MITF: variants seen among roughly 807,000 people sequenced by gnomAD.
MITF encodes microphthalmia-associated transcription factor.
A neutral mutation model predicts 60.5 loss-of-function variants in MITF; 17 were observed. The observed-to-expected ratio is 0.28, with a 90% CI of 0.19 to 0.42. The LOEUF is 0.42. MITF is among the 10% of genes least tolerant of loss of function. The pLI is 1.00. For synonymous variants in MITF, 260 were observed against 248.5 expected (o/e 1.05, Z -0.43); for missense variants, 622 against 683.5 (o/e 0.91, Z 1.00).
chr3:69,941,696 G>T (rs974073024), intron 5 of MITF, among the ~76,000 whole-genome samples: 1 of 152,124 alleles, frequency 6.6e-6, no homozygotes, highest in Admixed American at 6.6e-5. Flanking sequence ...GAAAAAGTTG[G>T]TTCAGTTTTT....
At chr3:69,873,163 A>G (rs188061617) in intron 1 of MITF, among the ~76,000 whole-genome samples, 10 of 152,324 alleles carry the variant, frequency 6.6e-5, no homozygotes, top group Admixed American at 3.3e-4. Context: ...AAGCCGAACT[A>G]TGATATCTGG....
chr3:69,963,802 GA>G (rs2066610830), intron 9 of MITF, among the ~76,000 whole-genome samples: 1 of 152,076 alleles, frequency 6.6e-6, no homozygotes, highest in Admixed American at 6.6e-5. Context: ...GAACTATCTT[GA>G]GTTTAGTAGT....
At chr3:69,842,750 A>ACTGT (rs3044613) in intron 1 of MITF, among the ~76,000 whole-genome samples, 75,357 of 151,486 alleles carry the variant, frequency 0.5, 20,342 homozygotes, top group Non-Finnish European at 0.63. Flanking sequence ...GGCAGAACTG[A>ACTGT]CTGAGATGGA....
chr3:69,959,835 G>A (rs2066496262), intron 9 of MITF, among the ~76,000 whole-genome samples: 1 of 152,134 alleles, frequency 6.6e-6, no homozygotes, highest in African/African-American at 2.4e-5. Context: ...TAATGCTAAA[G>A]CACTGTCTAG....
chr3:69,878,470 A>G (rs577814178), intron 1 of MITF, among the ~76,000 whole-genome samples: 6 of 152,320 alleles, frequency 3.9e-5, no homozygotes, highest in African/African-American at 1.4e-4. Flanking sequence ...GAATCAGAAG[A>G]AAAGACAGCA....
intron 1 of MITF, among the ~76,000 whole-genome samples, chr3:69,784,718 C>T (rs557030061): frequency 6.6e-6 from 1 of 152,250 alleles, no homozygotes; most frequent in South Asian, 2.1e-4. Context: ...GAGATTGGAA[C>T]TTTTCCAGGT....
In MITF at chr3:69,739,635, T is replaced by A; in HGVS notation, c.38T>A (p.Val13Asp). The change falls in exon 1 of 10, where the codon GTC becomes GAC. Residue 13 changes from valine to aspartate, a missense_variant. By Grantham distance (152) the Val-to-Asp change is radical. This residue lies in a region of MITF where 149 missense variants were observed against 157.8 expected (regional missense o/e 0.94). Transcript: ENST00000352241. ...SESGIVPDFE[V>D]GEEFHEEPKT... ...TCGGGGATCGTGCCGGATTTCGAAG[T>A]CGGGGAGGAGTTTCATGAAGAGCCC... 3 of 1,583,696 alleles carry A rather than the reference T, an allele frequency of 1.9e-6. No individual in the cohort carries two copies. The highest frequency in any genetic ancestry group is 2.6e-6 in the Non-Finnish European group (3 of 1,163,318).
At chr3:69,833,850 T>C (rs1367660540) in intron 1 of MITF, among the ~76,000 whole-genome samples, 1 of 152,254 alleles carries the variant, frequency 6.6e-6, no homozygotes, top group Non-Finnish European at 1.5e-5. Flanking sequence ...TTTGCCTTTT[T>C]ATTGCCTGTC....
intron 2 of MITF, among the ~76,000 whole-genome samples, chr3:69,894,664 CA>C (rs2064833465): frequency 7.0e-6 from 1 of 142,064 alleles, no homozygotes; most frequent in African/African-American, 2.7e-5. Context: ...CCAGCCTGAG[CA>C]ACAAGAGTGA....
rs1197326287 is a variant in MITF, at chr3:69,942,086, C to G, written c.762+755C>G. Among the ~76,000 whole-genome samples, 3 of 152,094 alleles carry G rather than the reference C, an allele frequency of 2.0e-5. No homozygotes were observed. In the East Asian group the frequency reaches 5.8e-4, roughly 29 times the overall value. On this transcript the variant is annotated intron_variant, in intron 5 of 9. Coordinates refer to ENST00000352241, the MANE Select transcript of MITF (RefSeq NM_001354604.2). The stretch of plus-strand genomic sequence containing the variant: ...CTTGGTAGGTCTTTGAATGCCTTCT[C>G]CAATCCTTTTCTGTTTCCTCTGAGA...
intron 1 of MITF, among the ~76,000 whole-genome samples, chr3:69,784,621 A>G (rs745863118): frequency 1.3e-5 from 2 of 151,816 alleles, no homozygotes; most frequent in African/African-American, 4.8e-5. Flanking sequence ...CCCCTCCCCC[A>G]TATTAGAGAA....
In MITF at chr3:69,822,701, G is replaced by A. The variant is rs569749798; in HGVS notation, c.105-56433G>A. Among the ~76,000 whole-genome samples, 5 of 152,278 alleles carry A rather than the reference G, an allele frequency of 3.3e-5. No individual in the cohort carries two copies. The East Asian group carries it at 7.7e-4, about 23-fold the overall frequency. ...CCCCCTTGAACTGCACTATGGAATGGTGACTAAGTTATTTCCCACATTTTG... is the reference window on the plus strand; with the variant it reads ...CCCCCTTGAACTGCACTATGGAATGATGACTAAGTTATTTCCCACATTTTG... On this transcript the variant is annotated intron_variant, in intron 1 of 9. Transcript: ENST00000352241.
intron 1 of MITF, among the ~76,000 whole-genome samples, chr3:69,874,150 G>A (rs1015843462): frequency 6.6e-6 from 1 of 152,152 alleles, no homozygotes; most frequent in Non-Finnish European, 1.5e-5. Context: ...TAGGCTTTGA[G>A]CTCTGTCAAC....
chr3:69,864,920 C>T (rs11920295), intron 1 of MITF, among the ~76,000 whole-genome samples: 1,546 of 152,272 alleles, frequency 0.01, 24 homozygotes, highest in African/African-American at 0.034. Context: ...GAAAGCCTTT[C>T]CTGACCCTTA....
chr3:69,938,466 G>A, intron 3 of MITF: 1 of 1,475,606 alleles, frequency 6.8e-7, no homozygotes, highest in Non-Finnish European at 9.0e-7. Context: ...TGAATGTCTG[G>A]AATATTATTT....
chr3:69,909,011 T>C (rs13318952), intron 2 of MITF, among the ~76,000 whole-genome samples: 3,867 of 152,258 alleles, frequency 0.025, 149 homozygotes, highest in African/African-American at 0.087. Context: ...TTAGGTTTTT[T>C]TGTTTGTTTG....
chr3:69,883,480 C>A (rs2107292827), intron 2 of MITF, among the ~76,000 whole-genome samples: 1 of 152,232 alleles, frequency 6.6e-6, no homozygotes, highest in Admixed American at 6.5e-5. Flanking sequence ...TGGTCTTTCT[C>A]TGTAAATTAT....
intron 1 of MITF, among the ~76,000 whole-genome samples, chr3:69,779,528 G>C (rs1000595095): frequency 6.6e-6 from 1 of 152,074 alleles, no homozygotes; most frequent in Non-Finnish European, 1.5e-5. Flanking sequence ...AAGTACATTA[G>C]AAGTTTTCAG....
chr3:69,920,137 A>C (rs546554124), intron 2 of MITF, among the ~76,000 whole-genome samples: 2 of 152,304 alleles, frequency 1.3e-5, no homozygotes, highest in East Asian at 3.9e-4. Context: ...GTGTGACCAG[A>C]AGACAAGAGT....
Sources: allele counts gnomAD v4.1 joint callset (sites outside exome capture counted in the v4.1 genomes callset), GRCh38; gene constraint gnomAD v4.1.1; regional missense constraint gnomAD v4.1.1; transcripts MANE v1.5; gene names NCBI Gene and HGNC (gene_info 2026-07-23, HGNC 2026-07-21).